The following SIPA1L1 variants were observed in gnomAD, a reference collection of about 807,000 sequenced individuals.
The protein encoded by SIPA1L1 is signal-induced proliferation-associated 1-like protein 1.
A neutral mutation model predicts 162.7 loss-of-function variants in SIPA1L1; 26 were observed. The observed-to-expected ratio is 0.16, with a 90% CI of 0.12 to 0.22. The LOEUF (loss-of-function observed/expected upper bound fraction) is 0.22, where lower values mean the gene tolerates loss of function less well. SIPA1L1 is among the 10% of genes least tolerant of loss of function. SIPA1L1 has a pLI of 1.00. For missense variants in SIPA1L1, 1,874 were observed against 2,241.0 expected (o/e 0.84, Z 3.31); for synonymous variants, 829 against 837.4 (o/e 0.99, Z 0.17).
intron 4 of SIPA1L1, among the ~76,000 whole-genome samples, chr14:71,540,228 A>G (rs1057463072): frequency 6.6e-6 from 1 of 152,202 alleles, no homozygotes; most frequent in African/African-American, 2.4e-5. Context: ...TGAGGGGAAG[A>G]GCGGGGCTGA....
intron 2 of SIPA1L1, among the ~76,000 whole-genome samples, chr14:71,364,369 C>T (rs1194588501): frequency 1.3e-5 from 2 of 152,176 alleles, no homozygotes; most frequent in African/African-American, 4.8e-5. Flanking sequence ...CCCTCCCCAA[C>T]CCCTGCACCC....
intron 12 of SIPA1L1, among the ~76,000 whole-genome samples, chr14:71,680,759 C>G (rs2045724680): frequency 6.6e-6 from 1 of 152,182 alleles, no homozygotes. Context: ...CACCACCGAT[C>G]CCACAGAAAC....
chr14:71,542,238 T>C (rs2054451275), intron 4 of SIPA1L1, among the ~76,000 whole-genome samples: 1 of 151,620 alleles, frequency 6.6e-6, no homozygotes, highest in South Asian at 2.1e-4. Context: ...CCACCATGCC[T>C]GGCTCCTCCT....
At chr14:71,550,961 G>A (rs1170225520) in intron 4 of SIPA1L1, among the ~76,000 whole-genome samples, 1 of 152,174 alleles carries the variant, frequency 6.6e-6, no homozygotes, top group African/African-American at 2.4e-5. Context: ...GCTAGTGCCC[G>A]GGTCATTTCC....
chr14:71,537,954 C>A (rs1396083277), intron 4 of SIPA1L1, among the ~76,000 whole-genome samples: 1 of 152,094 alleles, frequency 6.6e-6, no homozygotes, highest in Non-Finnish European at 1.5e-5. Flanking sequence ...GGCATTTGAG[C>A]AATAGCTAGC....
chr14:71,474,223 T>A (rs2047679869), intron 2 of SIPA1L1, among the ~76,000 whole-genome samples: 1 of 152,240 alleles, frequency 6.6e-6, no homozygotes, highest in Admixed American at 6.5e-5. Context: ...GAGCTGAGAC[T>A]TCTCCCAGTA....
chr14:71,695,485 T>G (rs1287813002), intron 13 of SIPA1L1, among the ~76,000 whole-genome samples: 1 of 152,212 alleles, frequency 6.6e-6, no homozygotes. Context: ...TAGCTTAATA[T>G]ACGTTTGGAG....
chr14:71,538,155 C>A (rs1158974664), intron 4 of SIPA1L1, among the ~76,000 whole-genome samples: 1 of 152,158 alleles, frequency 6.6e-6, no homozygotes, highest in African/African-American at 2.4e-5. Flanking sequence ...ATAATTGAAT[C>A]TTCTTCCCTA....
chr14:71,345,937 G>C (rs2036121916), intron 2 of SIPA1L1, among the ~76,000 whole-genome samples: 1 of 149,610 alleles, frequency 6.7e-6, no homozygotes, highest in South Asian at 2.1e-4. Flanking sequence ...TTTTGAGATG[G>C]AGTCTCTGTT....
chr14:71,727,549 C>A (rs1252442927), intron 19 of SIPA1L1, among the ~76,000 whole-genome samples: 1 of 152,050 alleles, frequency 6.6e-6, no homozygotes, highest in Non-Finnish European at 1.5e-5. Flanking sequence ...CCACTTGAAC[C>A]TCTCCGTAGC....
At chr14:71,709,703 C>A in intron 17 of SIPA1L1, 39 bp downstream of exon 17, 1 of 1,563,414 alleles carries the variant, frequency 6.4e-7, no homozygotes, top group Non-Finnish European at 8.7e-7. Context: ...CCAGCCCAGA[C>A]CTAAGCCCAG....
intron 8 of SIPA1L1, among the ~76,000 whole-genome samples, chr14:71,656,263 T>G (rs1410211643): frequency 6.6e-6 from 1 of 152,232 alleles, no homozygotes; most frequent in Non-Finnish European, 1.5e-5. Flanking sequence ...CCCAGCAGTT[T>G]TCCTCTCTGG....
chr14:71,501,333 T>C (rs2050197777), intron 2 of SIPA1L1, among the ~76,000 whole-genome samples: 1 of 151,414 alleles, frequency 6.6e-6, no homozygotes, highest in Admixed American at 6.6e-5. Context: ...AATAAATAAA[T>C]AAATAAAAAT....
chr14:71,582,597 T>G (rs2034086738), intron 4 of SIPA1L1, among the ~76,000 whole-genome samples: 1 of 152,190 alleles, frequency 6.6e-6, no homozygotes. Flanking sequence ...TTAAGTTGCT[T>G]TCTTATCTCT....
chr14:71,665,780 A>G (rs182956917), intron 10 of SIPA1L1, among the ~76,000 whole-genome samples: 19 of 152,196 alleles, frequency 1.2e-4, no homozygotes, highest in Admixed American at 2.6e-4. Flanking sequence ...GCCTACCCCT[A>G]TATATACTAT....
At chr14:71,321,613 C>G (rs1441961777) in intron 2 of SIPA1L1, 1 of 152,256 alleles carries the variant, frequency 6.6e-6, no homozygotes, top group Non-Finnish European at 1.5e-5. Flanking sequence ...GCTCGGTGCC[C>G]GAGGGTGGTT....
chr14:71,468,734 A>G (rs927165502), intron 2 of SIPA1L1, among the ~76,000 whole-genome samples: 20 of 152,196 alleles, frequency 1.3e-4, no homozygotes, highest in Non-Finnish European at 2.6e-4. Context: ...AAGTAAAAAG[A>G]TCTTAATCTT....
chr14:71,446,791 G>A (rs929875605), intron 2 of SIPA1L1, among the ~76,000 whole-genome samples: 3 of 151,224 alleles, frequency 2.0e-5, no homozygotes, highest in Admixed American at 6.6e-5. Flanking sequence ...ACAGTAAGGG[G>A]TGAAACTCTT....
At chr14:71,351,859 C>CT (rs1342557022) in intron 2 of SIPA1L1, among the ~76,000 whole-genome samples, 1 of 151,866 alleles carries the variant, frequency 6.6e-6, no homozygotes, top group Non-Finnish European at 1.5e-5. Flanking sequence ...AGGTGTTATT[C>CT]TAGCTACTGG....
Sources: allele counts gnomAD v4.1 joint callset (sites outside exome capture counted in the v4.1 genomes callset), GRCh38; gene constraint gnomAD v4.1.1; transcripts MANE v1.5; gene names NCBI Gene and HGNC (gene_info 2026-07-23, HGNC 2026-07-21).